The following NWD2 variants were observed in gnomAD, a reference collection of about 807,000 sequenced individuals.
NWD2 encodes the protein NACHT and WD repeat domain containing 2, also known as NACHT and WD repeat domain-containing protein 2.
NWD2 carries 37 observed loss-of-function variants against 132.7 expected under a neutral mutation model. The observed-to-expected ratio is 0.28, with a 90% CI of 0.21 to 0.37. NWD2 has a LOEUF of 0.37. Ranked by LOEUF, NWD2 falls within the 10% of genes least tolerant of loss-of-function variation. NWD2 has a pLI of 1.00. For missense variants in NWD2, 1,592 were observed against 2,122.4 expected (o/e 0.75, Z 4.91); for synonymous variants, 705 against 803.0 (o/e 0.88, Z 2.06).
At chr4:37,343,823 A>G (rs962313553) in intron 2 of NWD2, among the ~76,000 whole-genome samples, 1 of 152,062 alleles carries the variant, frequency 6.6e-6, no homozygotes, top group Non-Finnish European at 1.5e-5. Context: ...TTTTTTACAG[A>G]TTGCTTTATT....
chr4:37,398,066 A>G (rs765717053), intron 3 of NWD2, among the ~76,000 whole-genome samples: 3 of 152,214 alleles, frequency 2.0e-5, no homozygotes, highest in Non-Finnish European at 4.4e-5. Context: ...ATTAAAATAG[A>G]TAACATTTAC....
chr4:37,446,228 T>A lies in NWD2; in HGVS notation c.4240T>A (p.Ser1414Thr), dbSNP rs1361393588. ...TACACACAATGACCAGTTTGTGGTC[T>A]CGCTCTGTGAGGAAAATGCCTCCAG... ...LITHNDQFVVSLCEENASRVW... is the reference protein window; with the variant it reads ...LITHNDQFVVTLCEENASRVW... Residue 1414 changes from serine (S) to threonine (T), a missense_variant, in exon 7 of 7, where the codon TCG (serine) becomes ACG (threonine). Around this residue, in one of 7 missense-constraint regions of NWD2, gnomAD observed 1,071 missense variants for 1,398.0 expected, o/e 0.77. Transcript: ENST00000309447. This position sits in a 1 kb window ranked among gnomAD's most constrained non-coding sequence, Gnocchi z 6.7. The A allele has an allele frequency of 1.3e-6, 2 of 1,551,606 alleles. No homozygotes were observed. Among genetic ancestry groups the A allele is most frequent in the Admixed American group, 2.0e-5 (1 of 50,994 alleles).
At chr4:37,276,413 A>G in intron 1 of NWD2, among the ~76,000 whole-genome samples, 1 of 152,186 alleles carries the variant, frequency 6.6e-6, no homozygotes, top group Non-Finnish European at 1.5e-5. Flanking sequence ...CACCAGTTAG[A>G]ATGGCGATCA....
chr4:37,253,199 C>G (rs1252610453), intron 1 of NWD2, among the ~76,000 whole-genome samples: 2 of 152,214 alleles, frequency 1.3e-5, no homozygotes, highest in Non-Finnish European at 2.9e-5. Flanking sequence ...CTTCCCCTCT[C>G]AAGTTCTGAA....
chr4:37,276,219 C>A (rs540909756), intron 1 of NWD2, among the ~76,000 whole-genome samples: 1 of 152,094 alleles, frequency 6.6e-6, no homozygotes, highest in African/African-American at 2.4e-5. Flanking sequence ...GGGCTAATAT[C>A]CAGAATCTAC....
intron 3 of NWD2, among the ~76,000 whole-genome samples, chr4:37,369,997 C>A (rs907195278): frequency 6.6e-6 from 1 of 152,136 alleles, no homozygotes; most frequent in Non-Finnish European, 1.5e-5. Context: ...CCTTTCTGTT[C>A]TGTTCTTTAG....
At chr4:37,246,649 G>T (rs1456773037) in intron 1 of NWD2, among the ~76,000 whole-genome samples, 1 of 152,162 alleles carries the variant, frequency 6.6e-6, no homozygotes, top group Non-Finnish European at 1.5e-5. Flanking sequence ...AGGGTTGAGG[G>T]TTACTTCTTT....
rs1325345763 is a variant in NWD2 at position 37,356,341 on chromosome 4, A to G, written c.241-25A>G. On this transcript the variant is annotated intron_variant, in intron 2 of 6. Coordinates refer to ENST00000309447, the MANE Select transcript of NWD2 (RefSeq NM_001144990.2). ...AAAAACAAAGCCCACATGTAAACTA[A>G]TGCTCTTCATCCATCTGTCCCCAGG... is the stretch of plus-strand genomic sequence containing the variant. 4.7e-6 allele frequency: 6 copies of G among 1,278,354 alleles called. 1 individual carries two copies. Among genetic ancestry groups the G allele is most frequent in the East Asian group, 5.2e-5 (2 of 38,746 alleles). The allele number at this position is 1,278,354 out of a possible 1,614,324, so 79.2% of individuals were successfully genotyped here.
Position 37,447,292 on chromosome 4 carries a change from C to A in NWD2, c.*75C>A. 1 of 1,118,722 alleles carries A rather than the reference C, an allele frequency of 8.9e-7. No individual in the cohort carries two copies. Among genetic ancestry groups the A allele is most frequent in the Non-Finnish European group, 1.3e-6 (1 of 792,756 alleles). The allele number at this position is 1,118,722 out of a possible 1,614,324, so 69.3% of individuals were successfully genotyped here. A position where few individuals can be genotyped will look rare whatever the true frequency, so the allele number is the denominator to read the frequency against. On this transcript the variant is annotated 3_prime_UTR_variant, in exon 7 of 7. Transcript: ENST00000309447. ...AAAAAAATGTGCCCCAAATGATAAA[C>A]TATTCATTTATTAAAAGGCAGGAGC... is the stretch of plus-strand genomic sequence containing the variant.
At chr4:37,276,661 A>C (rs1021818588) in intron 1 of NWD2, among the ~76,000 whole-genome samples, 9 of 152,286 alleles carry the variant, frequency 5.9e-5, no homozygotes, top group Admixed American at 5.9e-4. Context: ...ATTATAAATC[A>C]TGCTGCTATA....
intron 1 of NWD2, among the ~76,000 whole-genome samples, chr4:37,255,981 G>A (rs953743940): frequency 6.6e-6 from 1 of 152,194 alleles, no homozygotes; most frequent in Non-Finnish European, 1.5e-5. Flanking sequence ...ATATTTGAAA[G>A]ATGAGAAATA....
At chr4:37,436,438 G>A (rs1328855528) in intron 5 of NWD2, among the ~76,000 whole-genome samples, 2 of 152,020 alleles carry the variant, frequency 1.3e-5, no homozygotes, top group Non-Finnish European at 2.9e-5. Flanking sequence ...ACCATACCAG[G>A]CATTCTGTGT....
intron 1 of NWD2, among the ~76,000 whole-genome samples, chr4:37,253,484 A>C (rs1204302606): frequency 1.3e-5 from 2 of 152,174 alleles, no homozygotes; most frequent in African/African-American, 4.8e-5. Flanking sequence ...AAGTGAGCAG[A>C]TGGGCAGAGA....
chr4:37,360,228 A>G (rs1003825952), intron 3 of NWD2, among the ~76,000 whole-genome samples: 4 of 152,204 alleles, frequency 2.6e-5, no homozygotes, highest in South Asian at 4.1e-4. Context: ...GTAAACCCAT[A>G]AAAGGCTAAC....
intron 3 of NWD2, among the ~76,000 whole-genome samples, chr4:37,358,959 G>A (rs2109301609): frequency 6.6e-6 from 1 of 152,266 alleles, no homozygotes; most frequent in African/African-American, 2.4e-5. Flanking sequence ...TAGAAAGCCA[G>A]ATTTGGGAAG....
chr4:37,370,553 T>C (rs1208317704), intron 3 of NWD2, among the ~76,000 whole-genome samples: 1 of 152,202 alleles, frequency 6.6e-6, no homozygotes, highest in Non-Finnish European at 1.5e-5. Context: ...ATGATGTTCC[T>C]GTGAAAATGG....
At position 37,407,772 on chromosome 4, in the gene NWD2, G is replaced by A. The variant is rs146216387; in HGVS notation, c.358-22800G>A. Among the ~76,000 whole-genome samples, 87 of 152,354 alleles carry A rather than the reference G, an allele frequency of 5.7e-4. No homozygotes were observed. In the East Asian group the frequency reaches 0.016, roughly 29 times the overall value. On this transcript the variant is annotated intron_variant, in intron 3 of 6. Coordinates refer to ENST00000309447, the MANE Select transcript of NWD2 (RefSeq NM_001144990.2). ...GGTGGAATAGGATCAGCTCCGGTCT[G>A]CAGCTCCCAGTGAGATCGACAGAGA...
chr4:37,434,956 C>T (rs1712283874), intron 5 of NWD2, among the ~76,000 whole-genome samples: 1 of 152,016 alleles, frequency 6.6e-6, no homozygotes, highest in South Asian at 2.1e-4. Flanking sequence ...ACCTCTCCAG[C>T]TATTTGGTAG....
chr4:37,326,421 G>GGCCTT (rs765808138), intron 2 of NWD2, among the ~76,000 whole-genome samples: 47 of 152,190 alleles, frequency 3.1e-4, no homozygotes, highest in Non-Finnish European at 5.7e-4. Context: ...AGCCAGGCCT[G>GGCCTT]GCCTTGCCTT....
Sources: allele counts gnomAD v4.1 joint callset (sites outside exome capture counted in the v4.1 genomes callset), GRCh38; gene constraint gnomAD v4.1.1; regional missense constraint gnomAD v4.1.1; non-coding constraint Gnocchi (gnomAD v3.1); transcripts MANE v1.5; gene names NCBI Gene and HGNC (gene_info 2026-07-23, HGNC 2026-07-21).